The following SPON1 variants were observed in gnomAD, a reference collection of about 807,000 sequenced individuals.
SPON1 encodes spondin 1, also known as spondin-1.
In SPON1, 52 loss-of-function variants were observed where a neutral mutation model predicts 111.7. The ratio of observed to expected loss-of-function variants is 0.47; its 90% CI spans 0.37 to 0.59. SPON1 has a LOEUF of 0.59. Among genes scored for constraint, SPON1 ranks in the 20% least tolerant of loss-of-function variants. The pLI, the probability that SPON1 is intolerant of heterozygous loss-of-function variation, is 0.00. For synonymous variants in SPON1, 410 were observed against 395.8 expected (o/e 1.04, Z -0.43); for missense variants, 957 against 1,068.5 (o/e 0.90, Z 1.46).
chr11:14,202,842 C>G (rs1465930394), intron 6 of SPON1, among the ~76,000 whole-genome samples: 1 of 152,172 alleles, frequency 6.6e-6, no homozygotes, highest in East Asian at 1.9e-4. Context: ...TCCTATACAT[C>G]ACCGATTACA....
intron 2 of SPON1, among the ~76,000 whole-genome samples, chr11:13,988,532 C>G (rs1391239804): frequency 6.6e-6 from 1 of 151,960 alleles, no homozygotes; most frequent in Admixed American, 6.6e-5. Context: ...ATTTGAATAC[C>G]CTTTATTTCT....
chr11:14,236,586 C>T (rs1848870012), intron 6 of SPON1, among the ~76,000 whole-genome samples: 1 of 152,100 alleles, frequency 6.6e-6, no homozygotes, highest in Non-Finnish European at 1.5e-5. Context: ...CTTTTTAAGG[C>T]AGGGGACTAA....
In SPON1 at chr11:13,972,261, G is replaced by A. The variant is rs781976776; in HGVS notation, c.238+9119G>A. 7.8e-4 allele frequency among the ~76,000 whole-genome samples: 119 copies of A among 152,302 alleles called. 1 individual carries two copies. Among genetic ancestry groups the A allele is most frequent in the South Asian group, 3.9e-3 (19 of 4,832 alleles). The stretch of plus-strand genomic sequence containing the variant: ...TGTTTGCTATTTTGGCAGCTGTGCC[G>A]TAGTCTGGAATCACACTGAGCTTGC... On this transcript the variant is annotated intron_variant, in intron 1 of 15. Coordinates refer to ENST00000576479, the MANE Select transcript of SPON1 (RefSeq NM_006108.4).
intron 6 of SPON1, among the ~76,000 whole-genome samples, chr11:14,188,709 A>G (rs1366335650): frequency 1.3e-5 from 2 of 152,136 alleles, no homozygotes; most frequent in Non-Finnish European, 1.5e-5. Context: ...CCCGCTTTCT[A>G]GTAGTGACTC....
At chr11:14,195,777 G>A (rs1451160948) in intron 6 of SPON1, among the ~76,000 whole-genome samples, 6 of 152,048 alleles carry the variant, frequency 3.9e-5, no homozygotes, top group African/African-American at 1.4e-4. Flanking sequence ...AGTGGATTTG[G>A]GAGTCACAGC....
chr11:14,213,369 C>T (rs1405803135), intron 6 of SPON1, among the ~76,000 whole-genome samples: 1 of 151,726 alleles, frequency 6.6e-6, no homozygotes, highest in African/African-American at 2.4e-5. Context: ...CTTCCAAATC[C>T]TTCTCTTGTT....
intron 6 of SPON1, among the ~76,000 whole-genome samples, chr11:14,225,798 T>G (rs1317953663): frequency 6.6e-6 from 1 of 151,846 alleles, no homozygotes; most frequent in African/African-American, 2.4e-5. Context: ...AAGTAAGGAG[T>G]TGAAAGGAAG....
At chr11:14,096,833 C>CT (rs1217438365) in intron 5 of SPON1, among the ~76,000 whole-genome samples, 1 of 152,192 alleles carries the variant, frequency 6.6e-6, no homozygotes, top group East Asian at 1.9e-4. Flanking sequence ...GGGACTGAGA[C>CT]TGGTATTGCC....
At chr11:14,064,486 C>A (rs1554920184) in intron 3 of SPON1, among the ~76,000 whole-genome samples, 1 of 152,206 alleles carries the variant, frequency 6.6e-6, no homozygotes, top group Admixed American at 6.5e-5. Context: ...CACAGTAAAG[C>A]TGAATTCAGG....
In SPON1 at chr11:14,036,470, G is replaced by T. The variant is rs1004525174; in HGVS notation, c.346-5051G>T. On this transcript the variant is annotated intron_variant, in intron 2 of 15. Transcript: ENST00000576479. ...TCCAGGGTTTCCGACTTGCACAATTGGAGTAGGACCAGGTTAGAGGAAAGA... is the reference window on the plus strand; with the variant it reads ...TCCAGGGTTTCCGACTTGCACAATTTGAGTAGGACCAGGTTAGAGGAAAGA... Among the ~76,000 whole-genome samples, 5 of 152,156 alleles carry T rather than the reference G, an allele frequency of 3.3e-5. 1 individual carries two copies. Among genetic ancestry groups the T allele is most frequent in the Admixed American group, 3.3e-4 (5 of 15,282 alleles).
chr11:14,191,958 A>G (rs1442853621), intron 6 of SPON1, among the ~76,000 whole-genome samples: 1 of 152,182 alleles, frequency 6.6e-6, no homozygotes, highest in African/African-American at 2.4e-5. Context: ...TGTTTGTATA[A>G]TTGAGGATTT....
Position 14,161,245 on chromosome 11 carries a change from CTATATATT to C in SPON1, c.825+25693_825+25700del, listed in dbSNP as rs1158330816. ...TATATATATTTATATATTTATATATCTATATATTTATATATTTATATATCTGTATATCT... is the reference window on the plus strand; with the variant it reads ...TATATATATTTATATATTTATATATCTATATATTTATATATCTGTATATCT... On this transcript the variant is annotated intron_variant, in intron 6 of 15. Transcript: ENST00000576479. Among the ~76,000 whole-genome samples, 65 of 39,100 alleles carry C rather than the reference CTATATATT, an allele frequency of 1.7e-3. 3 individuals are homozygous for C. Among genetic ancestry groups the C allele is most frequent in the East Asian group, 3.6e-3 (3 of 822 alleles). 25.7% of individuals were successfully genotyped at this position (39,100 alleles called of 152,430 possible). A position where few individuals can be genotyped will look rare whatever the true frequency, so the allele number is the denominator to read the frequency against.
intron 3 of SPON1, among the ~76,000 whole-genome samples, chr11:14,060,672 C>T (rs1381167971): frequency 6.6e-6 from 1 of 152,134 alleles, no homozygotes; most frequent in African/African-American, 2.4e-5. Context: ...AATTAGGGCA[C>T]CCAAATGATT....
chr11:14,231,885 C>T (rs1338149662), intron 6 of SPON1, among the ~76,000 whole-genome samples: 2 of 150,030 alleles, frequency 1.3e-5, no homozygotes, highest in African/African-American at 4.9e-5. Context: ...CTATGACAAA[C>T]AAATGAATAT....
chr11:13,981,292 G>A (rs1342313458), intron 1 of SPON1, among the ~76,000 whole-genome samples: 3 of 152,180 alleles, frequency 2.0e-5, no homozygotes, highest in Admixed American at 2.0e-4. Context: ...TGATTGCCAT[G>A]TTGAGAAGAT....
chr11:13,967,993 C>G, intron 1 of SPON1, among the ~76,000 whole-genome samples: 1 of 152,134 alleles, frequency 6.6e-6, no homozygotes, highest in East Asian at 1.9e-4. Context: ...GAGTACTCCC[C>G]CATACACAGA....
chr11:14,262,646 A>G, intron 14 of SPON1, 66 bp from the exon 15 acceptor site: 2 of 1,593,224 alleles, frequency 1.3e-6, no homozygotes, highest in Non-Finnish European at 1.7e-6. Context: ...GAGATGTTCA[A>G]AGGAGAGCGT....
At chr11:14,030,031 C>T (rs1554915832) in intron 2 of SPON1, among the ~76,000 whole-genome samples, 1 of 152,180 alleles carries the variant, frequency 6.6e-6, no homozygotes, top group Non-Finnish European at 1.5e-5. Flanking sequence ...CCCAAGAGCA[C>T]TTAAGTGACA....
intron 6 of SPON1, among the ~76,000 whole-genome samples, chr11:14,234,488 A>C (rs1848840373): frequency 6.6e-6 from 1 of 152,214 alleles, no homozygotes; most frequent in African/African-American, 2.4e-5. Context: ...TTGTGTGAGC[A>C]CTAAAAAGAA....
Sources: gnomAD v4.1 joint callset for allele counts (sites outside exome capture counted in the v4.1 genomes callset) on GRCh38, gnomAD v4.1.1 for gene constraint, MANE v1.5 for transcripts, NCBI Gene and HGNC (gene_info 2026-07-23, HGNC 2026-07-21) for gene names.